GALNT9: variants seen among roughly 807,000 people sequenced by gnomAD.
GALNT9 encodes polypeptide N-acetylgalactosaminyltransferase 9.
A neutral mutation model predicts 63.1 loss-of-function variants in GALNT9; 47 were observed. That is an observed-to-expected ratio of 0.75 (90% CI 0.59 to 0.95). The LOEUF (loss-of-function observed/expected upper bound fraction) is 0.95, where lower values mean the gene tolerates loss of function less well. Among genes scored for constraint, GALNT9 ranks in the 40% least tolerant of loss-of-function variants. GALNT9 has a pLI of 0.00. For missense variants in GALNT9, 829 were observed against 874.8 expected (o/e 0.95, Z 0.66); for synonymous variants, 396 against 365.7 (o/e 1.08, Z -0.94).
intron 2 of GALNT9, among the ~76,000 whole-genome samples, chr12:132,272,291 C>T (rs919780135): frequency 3.9e-5 from 6 of 152,310 alleles, no homozygotes; most frequent in African/African-American, 7.2e-5. Context: ...TGGTGCGGGG[C>T]GGGACAGGGT....
chr12:132,210,294 G>GA (rs1304200651), intron 6 of GALNT9, among the ~76,000 whole-genome samples: 3 of 152,274 alleles, frequency 2.0e-5, no homozygotes, highest in Non-Finnish European at 2.9e-5. Flanking sequence ...TGGCGGCGCT[G>GA]TGGGCCTGGC....
chr12:132,313,184 TC>T (rs1367228240), intron 1 of GALNT9, among the ~76,000 whole-genome samples: 2 of 23,750 alleles, frequency 8.4e-5, no homozygotes, highest in Admixed American at 6.4e-4. Flanking sequence ...CACCCACCCA[TC>T]CCTCCATACA....
In GALNT9 at chr12:132,245,636, G is replaced by C. The variant is rs1878680148; in HGVS notation, c.1077+2274C>G. Reference sequence around the variant, plus strand: ...CCTCGCCCAGCCAGGGCCCTCCGTGGTCCAGCACCCACACCCCCAGCCCGG... The same window carrying C: ...CCTCGCCCAGCCAGGGCCCTCCGTGCTCCAGCACCCACACCCCCAGCCCGG... On this transcript the variant is annotated intron_variant, in intron 6 of 10. Coordinates refer to ENST00000328957, the MANE Select transcript of GALNT9 (RefSeq NM_001122636.2). This position sits in a 1 kb window ranked among gnomAD's most constrained non-coding sequence, Gnocchi z 6.3. Among the ~76,000 whole-genome samples the C allele has an allele frequency of 6.6e-6, 1 of 151,842 alleles. No homozygotes were observed. The highest frequency in any genetic ancestry group is 1.5e-5 in the Non-Finnish European group (1 of 67,996).
In GALNT9 at chr12:132,196,931, A is replaced by C; in HGVS notation, c.*176T>G. ...TGTCCTAGGAGAAGCTGTACTCCAG[A>C]TGCAGTGGGTGACACCCTGGTCACT... On this transcript the variant is annotated 3_prime_UTR_variant, in exon 11 of 11. Coordinates refer to ENST00000328957, the MANE Select transcript of GALNT9 (RefSeq NM_001122636.2). The C allele has an allele frequency of 1.4e-6, 2 of 1,442,320 alleles. No homozygotes were observed. The highest frequency in any genetic ancestry group is 1.8e-6 in the Non-Finnish European group (2 of 1,101,600). The allele number at this position is 1,442,320 out of a possible 1,614,324, so 89.3% of individuals were successfully genotyped here.
At position 132,322,167 on chromosome 12, in the gene GALNT9, C is replaced by A. The variant is rs182168503; in HGVS notation, c.238+6799G>T. Among the ~76,000 whole-genome samples the A allele has an allele frequency of 8.5e-5, 13 of 152,344 alleles. No individual in the cohort carries two copies. In the East Asian group the frequency reaches 2.5e-3, roughly 29 times the overall value. On this transcript the variant is annotated intron_variant, in intron 1 of 10. Coordinates refer to ENST00000328957, the MANE Select transcript of GALNT9 (RefSeq NM_001122636.2). The stretch of plus-strand genomic sequence containing the variant: ...TTCCAGGTGGACGTGAGCTTCCGGG[C>A]GGGCCCCGTTCAACCCGTAACCATC...
rs1868662732 is a variant in GALNT9, at chr12:132,319,154, C to T, written c.238+9812G>A. Among the ~76,000 whole-genome samples, 1 of 152,190 alleles carries T rather than the reference C, an allele frequency of 6.6e-6. No homozygotes were observed. The highest frequency in any genetic ancestry group is 2.1e-4 in the South Asian group (1 of 4,826). On this transcript the variant is annotated intron_variant, in intron 1 of 10. Coordinates refer to ENST00000328957, the MANE Select transcript of GALNT9 (RefSeq NM_001122636.2). This position sits in a 1 kb window ranked among gnomAD's most constrained non-coding sequence, Gnocchi z 5.2. ...AAGCTAGTTGTGATGGTGAATTCTG[C>T]ATCCATAGAGAGGGCCTTGGATGCC...
intron 1 of GALNT9, among the ~76,000 whole-genome samples, chr12:132,324,945 G>A (rs1868973734): frequency 6.6e-6 from 1 of 152,364 alleles, no homozygotes; most frequent in Middle Eastern, 3.4e-3. Context: ...CCCCTCAGCT[G>A]CTGCTCTGAA....
rs782051131 is a variant in GALNT9, at chr12:132,315,627, C to A, written c.238+13339G>T. 9.2e-5 allele frequency among the ~76,000 whole-genome samples: 14 copies of A among 152,198 alleles called. No individual in the cohort carries two copies. The highest frequency in any genetic ancestry group is 2.1e-4 in the Non-Finnish European group (14 of 68,044). On this transcript the variant is annotated intron_variant, in intron 1 of 10. Transcript: ENST00000328957. The surrounding 1 kb of genome is among the most constrained non-coding windows in gnomAD (Gnocchi z 6.1). ...GCGAGGTTGCGCCGCGGCTGCTGAT[C>A]TGAGAAGGTCGCGTCTTCTGGGCCA...
intron 1 of GALNT9, among the ~76,000 whole-genome samples, chr12:132,294,816 C>T (rs955594918): frequency 3.9e-5 from 6 of 152,340 alleles, no homozygotes; most frequent in East Asian, 1.9e-4. Context: ...GAAAATCCCA[C>T]GGATCTGATT....
chr12:132,324,637 C>T (rs1868955926), intron 1 of GALNT9, among the ~76,000 whole-genome samples: 1 of 152,178 alleles, frequency 6.6e-6, no homozygotes, highest in Non-Finnish European at 1.5e-5. Context: ...GCCATGGCCC[C>T]GGCTCTTGTC....
At chr12:132,323,218 C>T (rs558269472) in intron 1 of GALNT9, among the ~76,000 whole-genome samples, 1 of 152,338 alleles carries the variant, frequency 6.6e-6, no homozygotes, top group South Asian at 2.1e-4. Flanking sequence ...AAAATAGTTC[C>T]AAGACTCTGA....
intron 1 of GALNT9, among the ~76,000 whole-genome samples, chr12:132,312,956 C>T (rs77540396): frequency 0.08 from 12,192 of 152,200 alleles, 636 homozygotes; most frequent in East Asian, 0.25. Flanking sequence ...CGTCTTCTCT[C>T]GTAGTCCAGC....
At chr12:132,239,667 G>A (rs111205321) in intron 6 of GALNT9, among the ~76,000 whole-genome samples, 1,817 of 148,244 alleles carry the variant, frequency 0.012, 31 homozygotes, top group African/African-American at 0.043. Flanking sequence ...GACAGAGAGA[G>A]ACAGAGAGAC....
intron 6 of GALNT9, chr12:132,247,429 C>T: frequency 1.7e-5 from 6 of 360,074 alleles, no homozygotes; most frequent in Middle Eastern, 8.1e-4. Flanking sequence ...CTCAGGGTAG[C>T]CCCATCTCAC....
intron 5 of GALNT9, among the ~76,000 whole-genome samples, chr12:132,255,256 T>A (rs146103166): frequency 1.6e-4 from 24 of 152,296 alleles, no homozygotes; most frequent in Non-Finnish European, 2.4e-4. Context: ...GACTCTTTTG[T>A]AGAGATAAAA....
At chr12:132,307,472 G>C (rs889983449) in intron 1 of GALNT9, among the ~76,000 whole-genome samples, 1 of 152,106 alleles carries the variant, frequency 6.6e-6, no homozygotes, top group Non-Finnish European at 1.5e-5. Flanking sequence ...GATTAAGTTA[G>C]AGACCCTGAG....
chr12:132,226,264 TAC>T, intron 6 of GALNT9, among the ~76,000 whole-genome samples: 1 of 123,954 alleles, frequency 8.1e-6, no homozygotes, highest in Non-Finnish European at 1.7e-5. Context: ...CCACACACGG[TAC>T]ATACACACCC....
At chr12:132,317,867 T>C (rs1388053105) in intron 1 of GALNT9, among the ~76,000 whole-genome samples, 1 of 152,184 alleles carries the variant, frequency 6.6e-6, no homozygotes, top group African/African-American at 2.4e-5. Context: ...CTGGCACCTC[T>C]AGATTTCATT....
intron 6 of GALNT9, among the ~76,000 whole-genome samples, chr12:132,204,505 ACT>A (rs1876498417): frequency 6.6e-6 from 1 of 151,532 alleles, no homozygotes; most frequent in Non-Finnish European, 1.5e-5. Context: ...GTGTTCACAC[ACT>A]CTGCTCGATT....
Sources: gnomAD v4.1 joint callset for allele counts (sites outside exome capture counted in the v4.1 genomes callset) on GRCh38, gnomAD v4.1.1 for gene constraint, Gnocchi (gnomAD v3.1) non-coding constraint, MANE v1.5 for transcripts, NCBI Gene and HGNC (gene_info 2026-07-23, HGNC 2026-07-21) for gene names.